Variants in SLC35D1 observed in about 807,000 individuals in gnomAD.
SLC35D1 encodes the protein solute carrier family 35 member D1.
In SLC35D1, 31 loss-of-function variants were observed where a neutral mutation model predicts 46.7. The observed-to-expected ratio is 0.66, with a 90% CI of 0.50 to 0.90. SLC35D1 has a LOEUF of 0.90. Ranked by LOEUF, SLC35D1 falls within the 40% of genes least tolerant of loss-of-function variation. The pLI is 0.00. For synonymous variants in SLC35D1, 195 were observed against 164.6 expected (o/e 1.18, Z -1.41); for missense variants, 397 against 426.2 (o/e 0.93, Z 0.60).
At chr1:67,039,012 T>C (rs1668182453) in intron 8 of SLC35D1, among the ~76,000 whole-genome samples, 1 of 152,194 alleles carries the variant, frequency 6.6e-6, no homozygotes, top group African/African-American at 2.4e-5. Context: ...GCTTAAAGGC[T>C]GTATCAACCC....
chr1:67,040,736 A>T (rs1166831410), intron 8 of SLC35D1, among the ~76,000 whole-genome samples: 1 of 152,160 alleles, frequency 6.6e-6, no homozygotes, highest in Non-Finnish European at 1.5e-5. Context: ...CTTGACCTAG[A>T]TTACTCTCCC....
the SLC35D1 span, among the ~76,000 whole-genome samples, chr1:66,975,480 G>A: frequency 6.1e-4 from 92 of 151,820 alleles, no homozygotes; most frequent in Non-Finnish European, 1.1e-3. Context: ...TTAGCGGTTT[G>A]GTGCCACTGT....
At chr1:66,977,989 G>C in the SLC35D1 span, among the ~76,000 whole-genome samples, 2 of 152,076 alleles carry the variant, frequency 1.3e-5, no homozygotes, top group South Asian at 4.1e-4. Flanking sequence ...ACAAGGTCAG[G>C]AGTTTGAGAC....
At chr1:67,031,534 C>T (rs979530925) in intron 8 of SLC35D1, among the ~76,000 whole-genome samples, 12 of 152,140 alleles carry the variant, frequency 7.9e-5, no homozygotes, top group African/African-American at 2.9e-4. Context: ...TATAGTCTTT[C>T]CATCTGTACT....
At chr1:66,980,734 C>T in the SLC35D1 span, among the ~76,000 whole-genome samples, 2 of 151,508 alleles carry the variant, frequency 1.3e-5, no homozygotes, top group South Asian at 4.2e-4. Flanking sequence ...AACTTAGGTA[C>T]CAGTGGTGCA....
chr1:67,044,263 G>A (rs114630549), intron 7 of SLC35D1, among the ~76,000 whole-genome samples: 3 of 151,338 alleles, frequency 2.0e-5, no homozygotes, highest in Non-Finnish European at 4.4e-5. Context: ...TTGAACCCAG[G>A]AGACACAGGC....
chr1:66,973,244 C>G, the SLC35D1 span, among the ~76,000 whole-genome samples: 4 of 152,044 alleles, frequency 2.6e-5, no homozygotes, highest in Non-Finnish European at 4.4e-5. Flanking sequence ...TGTTAATCAA[C>G]TTCTAGTTGG....
chr1:67,028,803 G>A (rs1342711850), intron 8 of SLC35D1, among the ~76,000 whole-genome samples: 3 of 151,964 alleles, frequency 2.0e-5, no homozygotes, highest in Non-Finnish European at 2.9e-5. Flanking sequence ...TTCCATTACT[G>A]TCTTTAATTC....
chr1:66,979,639 A>G, the SLC35D1 span, among the ~76,000 whole-genome samples: 1 of 152,188 alleles, frequency 6.6e-6, no homozygotes, highest in Non-Finnish European at 1.5e-5. Context: ...TTTCCTGAAT[A>G]TTCTGGATGC....
At chr1:66,986,561 C>A in the SLC35D1 span, 2 of 1,001,562 alleles carry the variant, frequency 2.0e-6, no homozygotes, top group Non-Finnish European at 1.6e-6. Context: ...CAGGCCTTAC[C>A]CCCATGAAGT....
rs562202606 is a variant in SLC35D1, at chr1:67,000,529, C to T, written c.*3811G>A. 1 of 152,360 alleles carries T rather than the reference C, an allele frequency of 6.6e-6. No individual in the cohort carries two copies. Among genetic ancestry groups the T allele is most frequent in the East Asian group, 1.9e-4 (1 of 5,318 alleles). 9.4% of individuals were successfully genotyped at this position (152,360 alleles called of 1,614,324 possible). A position where few individuals can be genotyped will look rare whatever the true frequency, so the allele number is the denominator to read the frequency against. ...CAATGAGACACAGAGTCCTGTTTTT[C>T]AGGACAGACCGTATTGCCCAAGCCT... On this transcript the variant is annotated 3_prime_UTR_variant, in exon 12 of 12. Coordinates refer to ENST00000235345, the MANE Select transcript of SLC35D1 (RefSeq NM_015139.3).
At chr1:67,044,657 A>G (rs1645232083) in intron 7 of SLC35D1, among the ~76,000 whole-genome samples, 1 of 152,230 alleles carries the variant, frequency 6.6e-6, no homozygotes, top group African/African-American at 2.4e-5. Context: ...CATGTTTTCT[A>G]CTACTTCTAT....
chr1:66,973,095 A>G, the SLC35D1 span: 2 of 625,454 alleles, frequency 3.2e-6, no homozygotes, highest in Non-Finnish European at 5.6e-6. Flanking sequence ...AGGTTTCATA[A>G]TTAATATGAC....
At chr1:67,024,795 G>A (rs1366193904) in intron 8 of SLC35D1, among the ~76,000 whole-genome samples, 1 of 152,064 alleles carries the variant, frequency 6.6e-6, no homozygotes, top group East Asian at 1.9e-4. Flanking sequence ...CCAGTCTGGA[G>A]TACAGTGGCG....
At chr1:67,011,345 G>T (rs1362948192) in intron 10 of SLC35D1, among the ~76,000 whole-genome samples, 2 of 152,122 alleles carry the variant, frequency 1.3e-5, no homozygotes, top group African/African-American at 4.8e-5. Context: ...TTTGGAAGCT[G>T]CAGCAAAGAT....
chr1:67,049,352 C>A (rs191924289), intron 6 of SLC35D1, among the ~76,000 whole-genome samples: 2 of 151,806 alleles, frequency 1.3e-5, no homozygotes, highest in Admixed American at 1.3e-4. Context: ...CTGAAGAAAG[C>A]CACAGATTCA....
intron 8 of SLC35D1, among the ~76,000 whole-genome samples, chr1:67,029,492 C>A (rs975560979): frequency 6.6e-6 from 1 of 152,230 alleles, no homozygotes; most frequent in Non-Finnish European, 1.5e-5. Flanking sequence ...AGGAGACCAG[C>A]TTCTGCTAGC....
intron 11 of SLC35D1, among the ~76,000 whole-genome samples, chr1:67,006,084 A>C (rs1667441949): frequency 6.6e-6 from 1 of 152,054 alleles, no homozygotes; most frequent in Admixed American, 6.6e-5. Context: ...TCCTGGGCTC[A>C]AGCTATCCTC....
chr1:66,997,244 C>T (rs1397923230), downstream of SLC35D1, among the ~76,000 whole-genome samples: 3 of 151,940 alleles, frequency 2.0e-5, no homozygotes, highest in African/African-American at 7.3e-5. Flanking sequence ...GGCACAGCAC[C>T]TTACACCTGG....
Sources: gnomAD v4.1 joint callset for allele counts (sites outside exome capture counted in the v4.1 genomes callset) on GRCh38, gnomAD v4.1.1 for gene constraint, MANE v1.5 for transcripts, NCBI Gene and HGNC (gene_info 2026-07-23, HGNC 2026-07-21) for gene names.